PDS5A: variants seen among roughly 807,000 people sequenced by gnomAD.
PDS5A encodes PDS5 cohesin associated factor A.
Under a neutral mutation model 167.1 loss-of-function variants are expected in PDS5A, and 42 were observed. The observed-to-expected ratio is 0.25, with a 90% CI of 0.20 to 0.33. The LOEUF (loss-of-function observed/expected upper bound fraction) is 0.33. Among genes scored for constraint, PDS5A ranks in the 10% least tolerant of loss-of-function variants. The pLI is 1.00. For synonymous variants in PDS5A, 553 were observed against 554.6 expected, an observed-to-expected ratio of 1.00 and a Z score of 0.04; for missense variants, 1,033 against 1,605.9, an observed-to-expected ratio of 0.64 and a Z score of 6.10.
chr4:39,872,104 C>T (rs139322170), intron 21 of PDS5A, among the ~76,000 whole-genome samples: 1 of 150,950 alleles, frequency 6.6e-6, no homozygotes, highest in African/African-American at 2.4e-5. Flanking sequence ...AGCACACAGA[C>T]ATCAATAAAT....
intron 2 of PDS5A, among the ~76,000 whole-genome samples, chr4:39,962,291 T>C (rs533854144): frequency 5.9e-5 from 9 of 151,482 alleles, no homozygotes; most frequent in South Asian, 2.1e-4. Flanking sequence ...CTCCTGACCT[T>C]GTGATCCGCC....
At chr4:39,847,752 T>C (rs1421388645) in intron 28 of PDS5A, 1 of 152,184 alleles carries the variant, frequency 6.6e-6, no homozygotes, top group African/African-American at 2.4e-5. Context: ...TTTAGTAAAG[T>C]ACGGCATTCA....
At chr4:39,930,246 A>AAAAAAAAAAAAAAAAAAATT in intron 2 of PDS5A, among the ~76,000 whole-genome samples, 1 of 93,090 alleles carries the variant, frequency 1.1e-5, no homozygotes, top group Non-Finnish European at 2.2e-5. Context: ...AAAAAAAAAA[A>AAAAAAAAAAAAAAAAAAATT]GTTTTTTTGT....
At chr4:39,921,463 T>A (rs997141140) in intron 6 of PDS5A, among the ~76,000 whole-genome samples, 2 of 151,816 alleles carry the variant, frequency 1.3e-5, no homozygotes, top group East Asian at 3.9e-4. Flanking sequence ...AAGCCAGATG[T>A]GGTTGCTCAT....
intron 21 of PDS5A, chr4:39,872,659 A>G (rs946017870): frequency 1.2e-5 from 2 of 161,438 alleles, no homozygotes; most frequent in African/African-American, 4.8e-5. Context: ...CTTCAAAACA[A>G]AAAACAAAAA....
At chr4:39,964,364 A>G (rs570178369) in intron 2 of PDS5A, among the ~76,000 whole-genome samples, 73 of 152,306 alleles carry the variant, frequency 4.8e-4, no homozygotes, top group African/African-American at 1.2e-3. Flanking sequence ...AGGGGGATGT[A>G]TTTCTCAGCC....
At chr4:39,966,313 G>A (rs1167191063) in intron 2 of PDS5A, among the ~76,000 whole-genome samples, 1 of 152,118 alleles carries the variant, frequency 6.6e-6, no homozygotes, top group African/African-American at 2.4e-5. Flanking sequence ...AGTACTTCAG[G>A]GGTCCTCCTG....
chr4:39,934,034 T>G (rs1165917559), intron 2 of PDS5A, among the ~76,000 whole-genome samples: 1 of 152,180 alleles, frequency 6.6e-6, no homozygotes, highest in Non-Finnish European at 1.5e-5. Context: ...GTTAGTATTG[T>G]GAAGATAGAG....
At chr4:39,863,214 C>T (rs1578627152) in intron 24 of PDS5A, 122 bp downstream of exon 24, 3 of 927,696 alleles carry the variant, frequency 3.2e-6, no homozygotes. Context: ...GACAGTTAAA[C>T]AGGTAATAAT....
At chr4:39,918,051 T>C (rs1724558763) in intron 7 of PDS5A, among the ~76,000 whole-genome samples, 1 of 151,934 alleles carries the variant, frequency 6.6e-6, no homozygotes, top group South Asian at 2.1e-4. Context: ...TGGTAGTGCA[T>C]GCCTATAGCC....
chr4:39,976,674 T>A, intron 1 of PDS5A, 57 bp from the exon 2 acceptor site: 1 of 900,870 alleles, frequency 1.1e-6, no homozygotes, highest in Non-Finnish European at 1.7e-6. Context: ...AACCTCTTTT[T>A]TCATTTCAAA....
intron 32 of PDS5A, among the ~76,000 whole-genome samples, chr4:39,825,791 G>A (rs73242410): frequency 0.071 from 10,817 of 151,908 alleles, 478 homozygotes; most frequent in Non-Finnish European, 0.1. Flanking sequence ...TGTACAGACG[G>A]GATCTCATTA....
At position 39,900,498 on chromosome 4, in the gene PDS5A, G is replaced by T. The variant is rs746727955; in HGVS notation, c.1509C>A (p.Asn503Lys). 3 of 1,571,830 alleles carry T rather than the reference G, an allele frequency of 1.9e-6. No individual in the cohort carries two copies. The highest frequency in any genetic ancestry group is 8.7e-7 in the Non-Finnish European group (1 of 1,155,016). Residue 503 changes from asparagine (N) to lysine (K), a missense_variant, in exon 14 of 33, where the codon AAC becomes AAA. Transcript: ENST00000303538. ...GCATGTTCTGACACTTCCACATTTCGTTGAGAGCTCTGTAAAGTTATGAAT... is the reference window on the plus strand; with the variant it reads ...GCATGTTCTGACACTTCCACATTTCTTTGAGAGCTCTGTAAAGTTATGAAT... ...SLDPNAVKAL[N>K]EMWKCQNMLR...
rs78267993 is a variant in PDS5A, at chr4:39,893,214, T to C, written c.1771-2850A>G. On this transcript the variant is annotated intron_variant, in intron 16 of 32. Coordinates refer to ENST00000303538, the MANE Select transcript of PDS5A (RefSeq NM_001100399.2). ...CACAGCTGAAGCTATGGCAAGTATG[T>C]GGTCCTTCTCTAGGGTCAAGGTGTA... Among the ~76,000 whole-genome samples, 8 of 152,308 alleles carry C rather than the reference T, an allele frequency of 5.3e-5. No homozygotes were observed. In the East Asian group the frequency reaches 1.5e-3, roughly 29 times the overall value.
intron 9 of PDS5A, among the ~76,000 whole-genome samples, 168 bp downstream of exon 9, chr4:39,913,443 A>G (rs1381039887): frequency 1.3e-5 from 2 of 152,232 alleles, no homozygotes; most frequent in Non-Finnish European, 2.9e-5. Context: ...AGCTTTCTTC[A>G]TAAAAAATTT....
At chr4:39,959,341 T>C (rs1006128774) in intron 2 of PDS5A, among the ~76,000 whole-genome samples, 4 of 152,142 alleles carry the variant, frequency 2.6e-5, no homozygotes, top group East Asian at 3.9e-4. Flanking sequence ...AAGCTAAAAA[T>C]GTTTAATCTA....
At chr4:39,849,420 T>A (rs920339965) in intron 27 of PDS5A, 100 bp downstream of exon 27, 31 of 736,298 alleles carry the variant, frequency 4.2e-5, no homozygotes, top group Admixed American at 2.4e-4. Flanking sequence ...TTCTAAAATT[T>A]AAATTACTAC....
At position 39,866,903 on chromosome 4, in the gene PDS5A, A is replaced by G; in HGVS notation, c.2600T>C (p.Met867Thr). The change falls in exon 23 of 33, where the codon ATG becomes ACG. Residue 867 changes from methionine (M) to threonine (T), a missense_variant. By Grantham distance (81) the Met-to-Thr change is moderately conservative. This residue lies in a region of PDS5A where 367 missense variants were observed against 686.7 expected (regional missense o/e 0.53). Transcript: ENST00000303538. ...TGTCAGGTCACCCTCACTAACCAACATCGCTGATAATAACCGAAGGGTTGA... is the reference window on the plus strand; with the variant it reads ...TGTCAGGTCACCCTCACTAACCAACGTCGCTGATAATAACCGAAGGGTTGA... ...ANSTLRLLSA[M>T]LVSEGDLTEQ... The G allele has an allele frequency of 6.2e-7, 1 of 1,613,506 alleles. No homozygotes were observed. The highest frequency in any genetic ancestry group is 1.1e-5 in the South Asian group (1 of 91,000).
rs562885426 is a variant in PDS5A at position 39,957,542 on chromosome 4, T to C, written c.138+18898A>G. Among the ~76,000 whole-genome samples, 6 of 152,186 alleles carry C rather than the reference T, an allele frequency of 3.9e-5. No homozygotes were observed. In the South Asian group the frequency reaches 1.2e-3, roughly 32 times the overall value. The stretch of plus-strand genomic sequence containing the variant: ...CACAGTGGCCTGTAATCCTAGCACT[T>C]TGGGAGGCCAAAGAGGGCGGACCAC... On this transcript the variant is annotated intron_variant, in intron 2 of 32. Coordinates refer to ENST00000303538, the MANE Select transcript of PDS5A (RefSeq NM_001100399.2).
Sources: gnomAD v4.1 joint callset for allele counts (sites outside exome capture counted in the v4.1 genomes callset) on GRCh38, gnomAD v4.1.1 for gene constraint, gnomAD v4.1.1 regional missense constraint, MANE v1.5 for transcripts, NCBI Gene and HGNC (gene_info 2026-07-23, HGNC 2026-07-21) for gene names.